Variants in INTS14 observed in about 807,000 individuals in gnomAD.
The protein encoded by INTS14 is integrator complex subunit 14, also known as UPF0464 protein C15orf44.
INTS14 carries 27 observed loss-of-function variants against 56.9 expected under a neutral mutation model. That is an observed-to-expected ratio of 0.47 (90% confidence interval 0.35 to 0.65). The LOEUF (loss-of-function observed/expected upper bound fraction) is 0.65. Among genes scored for constraint, INTS14 ranks in the 30% least tolerant of loss-of-function variants. The pLI is 0.00. For synonymous variants in INTS14, 207 were observed against 236.2 expected, an observed-to-expected ratio of 0.88 and a Z score of 1.13; for missense variants, 517 against 632.2, an observed-to-expected ratio of 0.82 and a Z score of 1.95.
chr15:65,597,311 T>C (rs2073248155), intron 6 of INTS14, among the ~76,000 whole-genome samples: 1 of 152,264 alleles, frequency 6.6e-6, no homozygotes. Flanking sequence ...ATTTATTGAC[T>C]GAACAATTAC....
At position 65,611,067 on chromosome 15, in the gene INTS14, GCAGTCCCGGGCCCTCGGCCTCCC is replaced by G; in HGVS notation, c.-63+8_-63+30del. The G allele has an allele frequency of 6.5e-7, 1 of 1,535,608 alleles. No individual in the cohort carries two copies. The highest frequency in any genetic ancestry group is 1.2e-5 in the South Asian group (1 of 84,050). On this transcript the variant is annotated splice_region_variant and intron_variant, in intron 1 of 11. Coordinates refer to ENST00000313182, the MANE Select transcript of INTS14 (RefSeq NM_001394796.1). ...CTGTAACCCCAACAAGCAGCGAAAG[GCAGTCCCGGGCCCTCGGCCTCCC>G]CACTCACCCCGTGCCCATCGCCGGA...
At chr15:65,610,342 G>A (rs2073855112) in intron 1 of INTS14, among the ~76,000 whole-genome samples, 2 of 152,196 alleles carry the variant, frequency 1.3e-5, no homozygotes, top group Admixed American at 1.3e-4. Context: ...CTGGGCGACA[G>A]AGCGAGACTC....
chr15:65,593,338 T>C (rs1390838161), intron 8 of INTS14, 90 bp downstream of exon 8: 1 of 1,462,238 alleles, frequency 6.8e-7, no homozygotes, highest in East Asian at 2.3e-5. Flanking sequence ...ACAAGGACCT[T>C]TCTATTTCCT....
chr15:65,594,680 G>A (rs2073151825), intron 7 of INTS14, among the ~76,000 whole-genome samples: 1 of 151,844 alleles, frequency 6.6e-6, no homozygotes, highest in South Asian at 2.1e-4. Flanking sequence ...GGGATTACAG[G>A]TGTGAGCTAC....
intron 10 of INTS14, 109 bp from the exon 11 acceptor site, chr15:65,582,128 C>G (rs2072646551): frequency 1.1e-6 from 1 of 944,336 alleles, no homozygotes; most frequent in African/African-American, 1.7e-5. Context: ...GAGAACACAG[C>G]TACAATGTCA....
Position 65,611,087 on chromosome 15 carries a change from T to A in INTS14, c.-63+11A>T. The A allele has an allele frequency of 6.5e-7, 1 of 1,535,654 alleles. No individual in the cohort carries two copies. On this transcript the variant is annotated intron_variant, in intron 1 of 11. Coordinates refer to ENST00000313182, the MANE Select transcript of INTS14 (RefSeq NM_001394796.1). ...GAAAGGCAGTCCCGGGCCCTCGGCC[T>A]CCCCACTCACCCCGTGCCCATCGCC...
chr15:65,606,534 C>T (rs1457056384), intron 2 of INTS14, among the ~76,000 whole-genome samples: 1 of 151,582 alleles, frequency 6.6e-6, no homozygotes, highest in African/African-American at 2.4e-5. Context: ...GGATTACAGG[C>T]GTGAGCCACC....
At chr15:65,589,603 G>T (rs1026885620) in intron 9 of INTS14, among the ~76,000 whole-genome samples, 1 of 152,066 alleles carries the variant, frequency 6.6e-6, no homozygotes, top group African/African-American at 2.4e-5. Flanking sequence ...CTGTAACTTT[G>T]TATCTGTTAC....
chr15:65,610,937 C>A, intron 1 of INTS14, 161 bp downstream of exon 1: 1 of 1,465,768 alleles, frequency 6.8e-7, no homozygotes, highest in Non-Finnish European at 9.0e-7. Context: ...AGGCCGGGAG[C>A]AGCGCCCCGG....
Position 65,579,394 on chromosome 15 carries a change from T to C in INTS14, c.*14A>G, listed in dbSNP as rs772842120. 3 of 1,601,992 alleles carry C rather than the reference T, an allele frequency of 1.9e-6. No homozygotes were observed. The highest frequency in any genetic ancestry group is 2.6e-6 in the Non-Finnish European group (3 of 1,170,710). ...GTTGAAATGAAAAAAGAAGGAAAGC[T>C]CCAAAAGTCAGTTTCAAATTCTTTC... On this transcript the variant is annotated 3_prime_UTR_variant, in exon 12 of 12. Transcript: ENST00000313182.
rs145417314 is a variant in INTS14 at position 65,596,911 on chromosome 15, C to T, written c.749-1086G>A. ...TGTGCTTCTCTGGAGATTTGCTGTC[C>T]ATACCTCCCTTAGCTGAGTAATAAA... On this transcript the variant is annotated intron_variant, in intron 6 of 11. Coordinates refer to ENST00000313182, the MANE Select transcript of INTS14 (RefSeq NM_001394796.1). Among the ~76,000 whole-genome samples, 570 of 152,204 alleles carry T rather than the reference C, an allele frequency of 3.7e-3. 6 individuals carry two copies. The highest frequency in any genetic ancestry group is 0.013 in the African/African-American group (539 of 41,512).
At chr15:65,596,798 A>G (rs1300645232) in intron 6 of INTS14, among the ~76,000 whole-genome samples, 2 of 152,110 alleles carry the variant, frequency 1.3e-5, no homozygotes, top group African/African-American at 4.8e-5. Context: ...TCCCGACCTC[A>G]GGTGATCCGC....
At chr15:65,606,421 T>G (rs1366348570) in intron 2 of INTS14, among the ~76,000 whole-genome samples, 1 of 152,040 alleles carries the variant, frequency 6.6e-6, no homozygotes, top group Admixed American at 6.5e-5. Flanking sequence ...TTTTTTTTCC[T>G]TCTTTTTATT....
At chr15:65,609,830 T>G (rs920715078) in intron 1 of INTS14, among the ~76,000 whole-genome samples, 3 of 151,974 alleles carry the variant, frequency 2.0e-5, no homozygotes, top group African/African-American at 7.2e-5. Flanking sequence ...TTAGATCAAA[T>G]ACAAAAAAGC....
At chr15:65,600,045 A>G in intron 3 of INTS14, 116 bp from the exon 4 acceptor site, 1 of 1,162,696 alleles carries the variant, frequency 8.6e-7, no homozygotes, top group Non-Finnish European at 1.2e-6. Context: ...TGGTGGCTCA[A>G]GCCTGTAATC....
At chr15:65,604,787 G>A (rs1393293447) in intron 3 of INTS14, among the ~76,000 whole-genome samples, 2 of 151,142 alleles carry the variant, frequency 1.3e-5, no homozygotes, top group East Asian at 1.9e-4. Flanking sequence ...ATGAAGACAG[G>A]CTATATTATA....
rs1566937644 is a variant in INTS14 at position 65,611,120 on chromosome 15, G to GTCCGTCGGCATAAACTTT, written c.-86_-85insAAAGTTTATGCCGACGGA. ...CACCCCGTGCCCATCGCCGGACACAGTCCGTCGGCATAAACTTTCCGTCGG... is the reference window on the plus strand; with the variant it reads ...CACCCCGTGCCCATCGCCGGACACAGTCCGTCGGCATAAACTTTTCCGTCGGCATAAACTTTCCGTCGG... On this transcript the variant is annotated 5_prime_UTR_variant, in exon 1 of 12. The change creates a new upstream start codon in the 5' untranslated region. Transcript: ENST00000313182. The GTCCGTCGGCATAAACTTT allele has an allele frequency of 6.5e-7, 1 of 1,535,446 alleles. No individual in the cohort carries two copies. Among genetic ancestry groups the GTCCGTCGGCATAAACTTT allele is most frequent in the African/African-American group, 1.4e-5 (1 of 72,976 alleles).
Position 65,611,081 on chromosome 15 carries a change from TCGGCCTCCCCACTCACCC to T in INTS14, c.-64_-63+16del. The T allele has an allele frequency of 6.5e-7, 1 of 1,535,630 alleles. No individual in the cohort carries two copies. Among genetic ancestry groups the T allele is most frequent in the Non-Finnish European group, 8.7e-7 (1 of 1,146,576 alleles). On this transcript the variant is annotated splice_donor_variant and splice_donor_5th_base_variant and 5_prime_UTR_variant and intron_variant, in exon 1 of 12. Coordinates refer to ENST00000313182, the MANE Select transcript of INTS14 (RefSeq NM_001394796.1). LOFTEE classifies it low-confidence loss of function (5UTR_SPLICE). ...AGCAGCGAAAGGCAGTCCCGGGCCC[TCGGCCTCCCCACTCACCC>T]CGTGCCCATCGCCGGACACAGTCCG...
Position 65,579,140 on chromosome 15 carries a change from G to A in INTS14, c.*268C>T, listed in dbSNP as rs1187190044. 5 of 397,276 alleles carry A rather than the reference G, an allele frequency of 1.3e-5. No individual in the cohort carries two copies. The highest frequency in any genetic ancestry group is 4.1e-5 in the Admixed American group (1 of 24,156). 24.6% of individuals were successfully genotyped at this position (397,276 alleles called of 1,614,324 possible). A position where few individuals can be genotyped will look rare whatever the true frequency, so the allele number is the denominator to read the frequency against. ...TGCTCTATGCTCATCAGTCATTCAA[G>A]CTTCTCAGGAAATGTGCCCATCATG... is the stretch of plus-strand genomic sequence containing the variant. On this transcript the variant is annotated 3_prime_UTR_variant, in exon 12 of 12. Coordinates refer to ENST00000313182, the MANE Select transcript of INTS14 (RefSeq NM_001394796.1).
Sources: allele counts gnomAD v4.1 joint callset (sites outside exome capture counted in the v4.1 genomes callset), GRCh38; gene constraint gnomAD v4.1.1; transcripts MANE v1.5; gene names NCBI Gene and HGNC (gene_info 2026-07-23, HGNC 2026-07-21).